BRF1: variants seen among roughly 807,000 people sequenced by gnomAD.
BRF1 encodes transcription factor IIIB 90 kDa subunit.
BRF1 carries 59 observed loss-of-function variants against 81.7 expected under a neutral mutation model. The observed-to-expected ratio is 0.72, with a 90% CI of 0.59 to 0.90. The LOEUF (loss-of-function observed/expected upper bound fraction) is 0.90. Among genes scored for constraint, BRF1 ranks in the 40% least tolerant of loss-of-function variants. BRF1 has a pLI of 0.00. For missense variants in BRF1, 1,050 were observed against 936.3 expected (o/e 1.12, Z -1.58); for synonymous variants, 491 against 395.6 (o/e 1.24, Z -2.86).
chr14:105,256,673 T>G, intron 3 of BRF1, 124 bp from the exon 4 acceptor site: 1 of 1,429,602 alleles, frequency 7.0e-7, no homozygotes, highest in Non-Finnish European at 9.4e-7. Flanking sequence ...AAATATAAGC[T>G]CCACCTTTGA....
intron 15 of BRF1, 138 bp downstream of exon 15, chr14:105,217,406 C>T: frequency 2.9e-6 from 4 of 1,370,274 alleles, no homozygotes; most frequent in Non-Finnish European, 4.0e-6. Flanking sequence ...CACCAGTCCC[C>T]AGCATGCAGG....
chr14:105,246,166 A>C (rs1374945268), intron 5 of BRF1, among the ~76,000 whole-genome samples: 1 of 151,974 alleles, frequency 6.6e-6, no homozygotes, highest in Non-Finnish European at 1.5e-5. Context: ...CGGATGTTGC[A>C]GTGCACCCTC....
At position 105,211,553 on chromosome 14, in the gene BRF1, G is replaced by C. The variant is rs970470531; in HGVS notation, c.1825-260C>G. ...CTGTATCCTACTGGGCCCCACCCCA[G>C]TGCTCGGGGAGCATGCAGAACACCT... On this transcript the variant is annotated intron_variant, in intron 16 of 17. Coordinates refer to ENST00000547530, the MANE Select transcript of BRF1 (RefSeq NM_001519.4). 7.7e-6 allele frequency: 4 copies of C among 516,680 alleles called. No individual in the cohort carries two copies. The African/African-American group carries it at 7.8e-5, about 10-fold the overall frequency. The allele number at this position is 516,680 out of a possible 1,614,324, so 32.0% of individuals were successfully genotyped here.
At chr14:105,304,082 G>A (rs931846231), upstream of BRF1, among the ~76,000 whole-genome samples, 11 of 152,226 alleles carry the variant, frequency 7.2e-5, no homozygotes, top group African/African-American at 2.7e-4. Flanking sequence ...ATGCCTCCCA[G>A]GCCACAGCGG....
chr14:105,217,952 C>G, intron 14 of BRF1, 152 bp from the exon 15 acceptor site: 2 of 1,288,798 alleles, frequency 1.6e-6, no homozygotes, highest in Non-Finnish European at 1.0e-6. Context: ...AGAATGTGGG[C>G]CAGCCTGGTG....
chr14:105,228,600 C>A (rs182991542), intron 7 of BRF1, among the ~76,000 whole-genome samples: 1 of 151,742 alleles, frequency 6.6e-6, no homozygotes, highest in East Asian at 1.9e-4. Flanking sequence ...CAGGATAGGG[C>A]CGGCCCCAGA....
At chr14:105,242,279 G>A (rs2054729581) in intron 5 of BRF1, 2 of 152,098 alleles carry the variant, frequency 1.3e-5, no homozygotes, top group South Asian at 2.1e-4. Context: ...CACCCGCTGT[G>A]CACCCACAAC....
chr14:105,211,536 T>C, intron 16 of BRF1: 1 of 534,344 alleles, frequency 1.9e-6, no homozygotes, highest in Non-Finnish European at 3.3e-6. Flanking sequence ...TCCTGTATCC[T>C]ACTGGGCCCC....
intron 1 of BRF1, among the ~76,000 whole-genome samples, chr14:105,290,970 G>C (rs184796146): frequency 2.6e-5 from 4 of 152,260 alleles, no homozygotes; most frequent in African/African-American, 7.2e-5. Flanking sequence ...AACCCACAGG[G>C]AGGATGAAAG....
At chr14:105,294,399 G>A (rs779728770) in intron 1 of BRF1, among the ~76,000 whole-genome samples, 1 of 152,310 alleles carries the variant, frequency 6.6e-6, no homozygotes, top group East Asian at 1.9e-4. Context: ...ATCCTCCCCC[G>A]GCAGGGCACA....
At chr14:105,250,781 CAT>C in intron 5 of BRF1, 1 of 1,178,302 alleles carries the variant, frequency 8.5e-7, no homozygotes, top group Non-Finnish European at 1.2e-6. Flanking sequence ...CTCTCTTTGA[CAT>C]GTAGTCAGCT....
intron 4 of BRF1, 70 bp from the exon 5 acceptor site, chr14:105,252,649 A>G: frequency 6.6e-7 from 1 of 1,513,868 alleles, no homozygotes; most frequent in Non-Finnish European, 9.0e-7. Context: ...TTTCTCTTAA[A>G]ATGCATCTCT....
intron 2 of BRF1, 121 bp from the exon 3 acceptor site, chr14:105,273,015 CTCACTTTTTATATGTGGGTTCCAA>C: frequency 8.4e-7 from 1 of 1,193,722 alleles, no homozygotes; most frequent in Non-Finnish European, 1.1e-6. Flanking sequence ...AGTTTCTGAG[CTCACTTTTTATATGTGGGTTCCAA>C]TCACTTTTTA....
Position 105,256,600 on chromosome 14 carries a change from C to T in BRF1, c.440-51G>A, listed in dbSNP as rs376932685. ...CGAGTGGCTGCAAGCTCAGGTTACT[C>T]GCCCACCTTCAAATGGGCAGGACCG... On this transcript the variant is annotated intron_variant, in intron 3 of 17. Coordinates refer to ENST00000547530, the MANE Select transcript of BRF1 (RefSeq NM_001519.4). 2.4e-5 allele frequency: 38 copies of T among 1,602,210 alleles called. No individual in the cohort carries two copies. The African/African-American group carries it at 2.8e-4, about 12-fold the overall frequency.
intron 10 of BRF1, chr14:105,222,177 T>A (rs1207724473): frequency 9.3e-6 from 4 of 429,596 alleles, no homozygotes; most frequent in African/African-American, 8.3e-5. Context: ...CTTTGTGACC[T>A]TGGATAAGGC....
chr14:105,241,364 T>G lies in BRF1; in HGVS notation c.595A>C (p.Lys199Gln). ...RFAHLLEFGEKNHEVSMTALR... is the reference protein window; with the variant it reads ...RFAHLLEFGEQNHEVSMTALR... ...GCAGTCATGGACACCTCGTGGTTCT[T>G]CTCCCCGAATTCCAGCAGGTGCGCA... Residue 199 changes from lysine (K) to glutamine (Q), a missense_variant, in exon 6 of 18, where the codon AAG becomes CAG. Physicochemically the swap from Lys to Gln is moderately conservative, Grantham distance 53. Transcript: ENST00000547530. 2 of 1,612,762 alleles carry G rather than the reference T, an allele frequency of 1.2e-6. No homozygotes were observed. The highest frequency in any genetic ancestry group is 1.1e-5 in the South Asian group (1 of 91,086).
At chr14:105,291,854 C>T (rs587601620) in intron 1 of BRF1, among the ~76,000 whole-genome samples, 11 of 152,134 alleles carry the variant, frequency 7.2e-5, no homozygotes, top group Admixed American at 5.9e-4. Context: ...AAAAATTAGC[C>T]GGGCATGGTG....
intron 1 of BRF1, among the ~76,000 whole-genome samples, chr14:105,296,497 A>G (rs1243180267): frequency 6.7e-6 from 1 of 150,004 alleles, no homozygotes; most frequent in Non-Finnish European, 1.5e-5. Flanking sequence ...TGGGTGACAG[A>G]GCAAGACGCC....
At chr14:105,278,465 C>T (rs1443679440) in intron 2 of BRF1, among the ~76,000 whole-genome samples, 1 of 151,322 alleles carries the variant, frequency 6.6e-6, no homozygotes, top group Admixed American at 6.6e-5. Flanking sequence ...TGAGGCATAT[C>T]ACCACTTACA....
Sources: allele counts gnomAD v4.1 joint callset (sites outside exome capture counted in the v4.1 genomes callset), GRCh38; gene constraint gnomAD v4.1.1; transcripts MANE v1.5; gene names NCBI Gene and HGNC (gene_info 2026-07-23, HGNC 2026-07-21).